Variants in SF3A1 observed in about 807,000 individuals in gnomAD.
SF3A1 encodes the protein SAP 114.
In SF3A1, 13 loss-of-function variants were observed where a neutral mutation model predicts 89.9. The ratio of observed to expected loss-of-function variants is 0.14; its 90% confidence interval spans 0.09 to 0.23. The LOEUF (loss-of-function observed/expected upper bound fraction) is 0.23, where lower values mean the gene tolerates loss of function less well. SF3A1 is among the 10% of genes least tolerant of loss of function. SF3A1 has a pLI of 1.00. For missense variants in SF3A1, 604 were observed against 1,022.1 expected (o/e 0.59, Z 5.58); for synonymous variants, 405 against 374.4 (o/e 1.08, Z -0.94).
At chr22:30,337,655 C>T (rs1043896502) in intron 12 of SF3A1, 35 bp downstream of exon 12, 6 of 1,038,670 alleles carry the variant, frequency 5.8e-6, no homozygotes, top group Non-Finnish European at 8.7e-6. Context: ...GGTCCCTGAA[C>T]TAATGGCCTG....
chr22:30,340,445 T>TA (rs1931215106), intron 8 of SF3A1, 64 bp from the exon 9 acceptor site: 2 of 1,492,482 alleles, frequency 1.3e-6, no homozygotes, highest in African/African-American at 1.4e-5. Context: ...AAGAGGGTGG[T>TA]ATTTCATGCG....
At chr22:30,348,859 C>G (rs1931499170) in intron 2 of SF3A1, among the ~76,000 whole-genome samples, 1 of 152,234 alleles carries the variant, frequency 6.6e-6, no homozygotes, top group South Asian at 2.1e-4. Context: ...TCCTGTACCA[C>G]TGCCTAAGCC....
At chr22:30,345,311 T>G in intron 3 of SF3A1, 121 bp from the exon 4 acceptor site, 5 of 907,734 alleles carry the variant, frequency 5.5e-6, no homozygotes, top group Non-Finnish European at 3.4e-6. Flanking sequence ...TAGACTTCTG[T>G]TAATTATGCA....
intron 13 of SF3A1, among the ~76,000 whole-genome samples, chr22:30,336,668 A>T (rs1398002428): frequency 6.6e-6 from 1 of 152,126 alleles, no homozygotes; most frequent in Non-Finnish European, 1.5e-5. Flanking sequence ...GGCCACAGTA[A>T]ATTTTAAAAC....
In SF3A1 at chr22:30,346,385, T is replaced by C; in HGVS notation, c.320A>G (p.Gln107Arg). The change falls in exon 3 of 16, where the codon CAG becomes CGG. Residue 107 changes from glutamine to arginine, a missense_variant. This residue lies in a region of SF3A1 where 162 missense variants were observed against 229.2 expected (regional missense o/e 0.71). Coordinates refer to ENST00000215793, the MANE Select transcript of SF3A1 (RefSeq NM_005877.6). ...KVSEFKEGKAQEPSAAIPKVM... is the reference protein window; with the variant it reads ...KVSEFKEGKAREPSAAIPKVM... The stretch of plus-strand genomic sequence containing the variant: ...CTTGGGGATGGCGGCGGACGGCTCC[T>C]GAGCCTTCCCTTCCTTGAACTCGCT... 3 of 1,614,112 alleles carry C rather than the reference T, an allele frequency of 1.9e-6. No individual in the cohort carries two copies. The highest frequency in any genetic ancestry group is 2.2e-5 in the South Asian group (2 of 91,078).
At position 30,337,101 on chromosome 22, in the gene SF3A1, T is replaced by A; in HGVS notation, c.2031A>T (p.Glu677Asp). The A allele has an allele frequency of 6.2e-7, 1 of 1,614,168 alleles. No homozygotes were observed. The highest frequency in any genetic ancestry group is 8.5e-7 in the Non-Finnish European group (1 of 1,180,018). ...TCAGTTTTTTGGAGGTGGGCTCATC[T>A]TCCATGGGAGGTGGGGGATGCACAG... ...MPPVHPPPPMEDEPTSKKLKT... is the reference protein window; with the variant it reads ...MPPVHPPPPMDDEPTSKKLKT... The change falls in exon 13 of 16, where the codon GAA becomes GAT. Residue 677 changes from glutamate to aspartate, a missense_variant. Glu to Asp is a conservative substitution (Grantham distance 45, BLOSUM62 2). Coordinates refer to ENST00000215793, the MANE Select transcript of SF3A1 (RefSeq NM_005877.6).
chr22:30,337,694 T>G lies in SF3A1; in HGVS notation c.1947A>C (p.Pro649=). 1.4e-6 allele frequency: 1 copy of G among 717,930 alleles called. No individual in the cohort carries two copies. The highest frequency in any genetic ancestry group is 2.1e-6 in the Non-Finnish European group (1 of 483,596). 44.5% of individuals were successfully genotyped at this position (717,930 alleles called of 1,614,324 possible). ...AATGATGCAAGAGATACTGACCTGT[T>G]GGCACAATCATGGGGGGTGGGCGGG... ...MAPRPPPMIV[P]TAFVPAPPVA... is the part of the protein sequence containing the mutation. Residue 649 remains proline (P), a synonymous_variant, in exon 12 of 16, where the codon CCA becomes CCC. Coordinates refer to ENST00000215793, the MANE Select transcript of SF3A1 (RefSeq NM_005877.6).
intron 1 of SF3A1, 104 bp from the exon 2 acceptor site, chr22:30,353,176 A>C: frequency 7.1e-7 from 1 of 1,415,974 alleles, no homozygotes; most frequent in South Asian, 1.3e-5. Flanking sequence ...ACTTTCATTC[A>C]CAGACTTCCC....
intron 3 of SF3A1, 30 bp downstream of exon 3, chr22:30,346,282 C>A (rs199696349): frequency 6.9e-7 from 1 of 1,442,790 alleles, no homozygotes; most frequent in Non-Finnish European, 9.7e-7. Context: ...TCAAGCCCTG[C>A]GTAAGTGAAG....
In SF3A1 at chr22:30,334,566, CA is replaced by C; in HGVS notation, c.*27del. ...GTGGGAGACAGGAGAGGCAAAATGGCAGGGACTTGACAGCAGGTTCCTCTTG... is the reference window on the plus strand; with the variant it reads ...GTGGGAGACAGGAGAGGCAAAATGGCGGGACTTGACAGCAGGTTCCTCTTG... On this transcript the variant is annotated 3_prime_UTR_variant, in exon 16 of 16. Coordinates refer to ENST00000215793, the MANE Select transcript of SF3A1 (RefSeq NM_005877.6). 6.8e-7 allele frequency: 1 copy of C among 1,469,720 alleles called. No homozygotes were observed. The highest frequency in any genetic ancestry group is 2.3e-5 in the Admixed American group (1 of 42,766). 91.0% of individuals were successfully genotyped at this position (1,469,720 alleles called of 1,614,324 possible). A position where few individuals can be genotyped will look rare whatever the true frequency, so the allele number is the denominator to read the frequency against.
At chr22:30,339,701 G>A (rs1931187708) in intron 9 of SF3A1, among the ~76,000 whole-genome samples, 2 of 152,202 alleles carry the variant, frequency 1.3e-5, no homozygotes, top group Non-Finnish European at 2.9e-5. Flanking sequence ...AGTTGCAGTA[G>A]CCAACATGGA....
intron 2 of SF3A1, among the ~76,000 whole-genome samples, chr22:30,348,260 C>T (rs1011777814): frequency 6.6e-6 from 1 of 152,178 alleles, no homozygotes; most frequent in Non-Finnish European, 1.5e-5. Flanking sequence ...TTAGAACTGC[C>T]CCAAACACAC....
chr22:30,351,844 A>T (rs1931604441), intron 2 of SF3A1, among the ~76,000 whole-genome samples: 1 of 152,244 alleles, frequency 6.6e-6, no homozygotes, highest in Admixed American at 6.5e-5. Context: ...CGAAAAAATT[A>T]CTGTGAGGAC....
rs1213952883 is a variant in SF3A1 at position 30,334,513 on chromosome 22, A to AT, written c.*80_*81insA. On this transcript the variant is annotated 3_prime_UTR_variant, in exon 16 of 16. Coordinates refer to ENST00000215793, the MANE Select transcript of SF3A1 (RefSeq NM_005877.6). The stretch of plus-strand genomic sequence containing the variant: ...AAATATGCAGGCAAGGCAAAGCCTC[A>AT]GGGGGGCTCCTGGGTCTGGGGCAGG... 1.2e-6 allele frequency: 1 copy of AT among 829,400 alleles called. No homozygotes were observed. The highest frequency in any genetic ancestry group is 1.9e-6 in the Non-Finnish European group (1 of 527,940). 51.4% of individuals were successfully genotyped at this position (829,400 alleles called of 1,614,324 possible).
intron 9 of SF3A1, among the ~76,000 whole-genome samples, 174 bp downstream of exon 9, chr22:30,340,022 G>C (rs1393032126): frequency 6.6e-6 from 1 of 152,192 alleles, no homozygotes; most frequent in Non-Finnish European, 1.5e-5. Context: ...TCTGCCTTTG[G>C]GGAATTTCTA....
chr22:30,337,301 T>C, intron 12 of SF3A1, 121 bp from the exon 13 acceptor site: 1 of 981,450 alleles, frequency 1.0e-6, no homozygotes, highest in Non-Finnish European at 1.5e-6. Context: ...TCAAGTGCTG[T>C]TCCCTGCTAA....
Position 30,342,889 on chromosome 22 carries a change from A to C in SF3A1, c.652-10T>G, listed in dbSNP as rs760442316. On this transcript the variant is annotated splice_polypyrimidine_tract_variant and intron_variant, in intron 4 of 15. Coordinates refer to ENST00000215793, the MANE Select transcript of SF3A1 (RefSeq NM_005877.6). ...TGGGTGGAATCAAGATCTGAAATACAGAAGAGTTAAAGCAACTGTCAGTGC... is the reference window on the plus strand; with the variant it reads ...TGGGTGGAATCAAGATCTGAAATACCGAAGAGTTAAAGCAACTGTCAGTGC... 2.5e-6 allele frequency: 4 copies of C among 1,595,354 alleles called. No individual in the cohort carries two copies. Among genetic ancestry groups the C allele is most frequent in the Non-Finnish European group, 3.4e-6 (4 of 1,164,000 alleles).
chr22:30,339,377 C>T (rs1261931409), intron 9 of SF3A1, 126 bp from the exon 10 acceptor site: 2 of 1,199,198 alleles, frequency 1.7e-6, no homozygotes, highest in Admixed American at 2.0e-5. Flanking sequence ...GACTCAGGGC[C>T]CCAACTCTTG....
rs1302937013 is a variant in SF3A1 at position 30,346,526 on chromosome 22, G to A, written c.186-7C>T. 6 of 1,612,912 alleles carry A rather than the reference G, an allele frequency of 3.7e-6. No individual in the cohort carries two copies. Among genetic ancestry groups the A allele is most frequent in the Admixed American group, 1.7e-5 (1 of 59,670 alleles). Reference sequence around the variant, plus strand: ...TTCAAATTCAGGCCCGTTTCTGGAGGAAGAAAAAACAACAAGAATAAACAC... The same window carrying A: ...TTCAAATTCAGGCCCGTTTCTGGAGAAAGAAAAAACAACAAGAATAAACAC... On this transcript the variant is annotated splice_polypyrimidine_tract_variant and splice_region_variant and intron_variant, in intron 2 of 15. Transcript: ENST00000215793.
Sources: allele counts gnomAD v4.1 joint callset (sites outside exome capture counted in the v4.1 genomes callset), GRCh38; gene constraint gnomAD v4.1.1; regional missense constraint gnomAD v4.1.1; transcripts MANE v1.5; gene names NCBI Gene and HGNC (gene_info 2026-07-23, HGNC 2026-07-21).